HHAT: variants seen among roughly 807,000 people sequenced by gnomAD.
HHAT encodes the protein hedgehog acyltransferase, also known as protein-cysteine N-palmitoyltransferase HHAT.
HHAT carries 47 observed loss-of-function variants against 70.8 expected under a neutral mutation model. The observed-to-expected ratio is 0.66, with a 90% CI of 0.53 to 0.85. The LOEUF is 0.85. Ranked by LOEUF, HHAT falls within the 40% of genes least tolerant of loss-of-function variation. The pLI, the probability that HHAT is intolerant of heterozygous loss-of-function variation, is 0.00. For synonymous variants in HHAT, 228 were observed against 247.6 expected, an observed-to-expected ratio of 0.92 and a Z score of 0.74; for missense variants, 609 against 604.8, an observed-to-expected ratio of 1.01 and a Z score of -0.07.
chr1:210,387,773 A>G (rs1368194355), intron 4 of HHAT, among the ~76,000 whole-genome samples, 192 bp downstream of exon 4: 1 of 152,184 alleles, frequency 6.6e-6, no homozygotes, highest in African/African-American at 2.4e-5. Flanking sequence ...GCTTTCTCCA[A>G]CTTATTTTCA....
At chr1:210,541,571 A>G (rs2095431099) in intron 9 of HHAT, among the ~76,000 whole-genome samples, 1 of 152,202 alleles carries the variant, frequency 6.6e-6, no homozygotes. Context: ...TACTAAAAAT[A>G]CAAAAATTAG....
At chr1:210,497,476 G>A (rs915062971) in intron 8 of HHAT, among the ~76,000 whole-genome samples, 3 of 152,252 alleles carry the variant, frequency 2.0e-5, no homozygotes, top group Non-Finnish European at 4.4e-5. Flanking sequence ...GTTTCAAACT[G>A]GAGTCATTTC....
At chr1:210,368,941 G>C (rs1182967037) in intron 3 of HHAT, among the ~76,000 whole-genome samples, 4 of 152,120 alleles carry the variant, frequency 2.6e-5, no homozygotes, top group African/African-American at 4.8e-5. Context: ...AGCTGGATGT[G>C]GTGGCGGGTG....
chr1:210,461,794 A>G (rs2093984201), intron 7 of HHAT, among the ~76,000 whole-genome samples: 1 of 152,184 alleles, frequency 6.6e-6, no homozygotes, highest in Non-Finnish European at 1.5e-5. Context: ...TAAAATTTCA[A>G]GGAAAAAAAA....
intron 11 of HHAT, among the ~76,000 whole-genome samples, chr1:210,653,658 CAGA>C (rs1675667005): frequency 6.6e-6 from 1 of 151,910 alleles, no homozygotes; most frequent in African/African-American, 2.4e-5. Flanking sequence ...AGGGATTAGA[CAGA>C]GGAGTGAGGG....
rs542480898 is a variant in HHAT at position 210,510,386 on chromosome 1, A to G, written c.1008-2767A>G. Among the ~76,000 whole-genome samples, 7 of 152,356 alleles carry G rather than the reference A, an allele frequency of 4.6e-5. No homozygotes were observed. The South Asian group carries it at 1.2e-3, about 27-fold the overall frequency. On this transcript the variant is annotated intron_variant, in intron 8 of 11. Coordinates refer to ENST00000261458, the MANE Select transcript of HHAT (RefSeq NM_018194.6). ...ATTTTTTAAAAACTGATAGCCATCC[A>G]GACACAAAAGCACAAATACTGTATG...
intron 9 of HHAT, among the ~76,000 whole-genome samples, chr1:210,575,633 G>T (rs1657551928): frequency 6.6e-6 from 1 of 152,148 alleles, no homozygotes; most frequent in Admixed American, 6.5e-5. Flanking sequence ...GTCCCTGTTT[G>T]TGACTGAGAG....
intron 10 of HHAT, among the ~76,000 whole-genome samples, chr1:210,592,591 G>C (rs150230277): frequency 6.6e-6 from 1 of 151,946 alleles, no homozygotes. Flanking sequence ...TATTTTGATA[G>C]AGATTGCATT....
chr1:210,466,726 A>G (rs1174994130), intron 8 of HHAT, among the ~76,000 whole-genome samples: 2 of 152,074 alleles, frequency 1.3e-5, no homozygotes, highest in Admixed American at 6.6e-5. Flanking sequence ...GCAGTTGACT[A>G]TATTTCATAT....
chr1:210,526,571 T>C (rs561352531), intron 9 of HHAT, among the ~76,000 whole-genome samples: 1 of 152,244 alleles, frequency 6.6e-6, no homozygotes, highest in Non-Finnish European at 1.5e-5. Flanking sequence ...TTGGATCAGA[T>C]GCAGAAGACC....
At chr1:210,586,682 G>T (rs1660515296) in intron 9 of HHAT, among the ~76,000 whole-genome samples, 1 of 152,138 alleles carries the variant, frequency 6.6e-6, no homozygotes, top group South Asian at 2.1e-4. Context: ...ATTCAGAAAA[G>T]GATTTTTTCA....
At chr1:210,631,102 T>A in intron 11 of HHAT, 1 of 456,734 alleles carries the variant, frequency 2.2e-6, no homozygotes, top group Non-Finnish European at 4.4e-6. Flanking sequence ...GCTACCTTTG[T>A]TCCCAACTAT....
At chr1:210,620,027 A>G (rs1022604411) in intron 10 of HHAT, among the ~76,000 whole-genome samples, 1 of 152,004 alleles carries the variant, frequency 6.6e-6, no homozygotes, top group Non-Finnish European at 1.5e-5. Flanking sequence ...TATCTAAGCC[A>G]TGAGGATGGT....
At chr1:210,372,234 T>G (rs2089633142) in intron 3 of HHAT, among the ~76,000 whole-genome samples, 1 of 152,204 alleles carries the variant, frequency 6.6e-6, no homozygotes, top group Non-Finnish European at 1.5e-5. Flanking sequence ...TGATTGTCCC[T>G]AGTCGGTGTA....
intron 5 of HHAT, among the ~76,000 whole-genome samples, chr1:210,403,035 C>G (rs2092152147): frequency 6.6e-6 from 1 of 152,164 alleles, no homozygotes; most frequent in South Asian, 2.1e-4. Context: ...TGGGATTGTT[C>G]TGAGAGTCAA....
chr1:210,651,501 G>A (rs1024099336), intron 11 of HHAT, among the ~76,000 whole-genome samples: 1 of 152,166 alleles, frequency 6.6e-6, no homozygotes, highest in Non-Finnish European at 1.5e-5. Flanking sequence ...GAGGCCCCTG[G>A]CAGCTGTGCT....
Position 210,329,115 on chromosome 1 carries a change from G to T in HHAT, c.-44+11G>T. On this transcript the variant is annotated intron_variant, in intron 1 of 11. Transcript: ENST00000261458. ...CGGGACAGCCCGGAGGTTGGTAACT[G>T]GTGACCATAGGGGGTCCTGGGGAGG... 7.3e-7 allele frequency: 1 copy of T among 1,374,526 alleles called. No individual in the cohort carries two copies. The highest frequency in any genetic ancestry group is 9.4e-7 in the Non-Finnish European group (1 of 1,062,588). The allele number at this position is 1,374,526 out of a possible 1,614,324, so 85.1% of individuals were successfully genotyped here. A position where few individuals can be genotyped will look rare whatever the true frequency, so the allele number is the denominator to read the frequency against.
intron 11 of HHAT, among the ~76,000 whole-genome samples, chr1:210,644,706 A>C (rs1381779188): frequency 1.3e-5 from 2 of 151,988 alleles, no homozygotes; most frequent in Non-Finnish European, 2.9e-5. Flanking sequence ...ACTTTTGCAT[A>C]GCATGTCTTC....
rs369630068 is a variant in HHAT, at chr1:210,336,167, G to A, written c.-44+7063G>A. Among the ~76,000 whole-genome samples the A allele has an allele frequency of 7.9e-5, 12 of 152,080 alleles. No individual in the cohort carries two copies. The East Asian group carries it at 2.1e-3, about 27-fold the overall frequency. On this transcript the variant is annotated intron_variant, in intron 1 of 11. Transcript: ENST00000261458. ...CAGGATCTCGCTCTGTCACCCAGGC[G>A]GGAGTGCAGTGGTGTGATCTCAGCT...
Sources: allele counts gnomAD v4.1 joint callset (sites outside exome capture counted in the v4.1 genomes callset), GRCh38; gene constraint gnomAD v4.1.1; transcripts MANE v1.5; gene names NCBI Gene and HGNC (gene_info 2026-07-23, HGNC 2026-07-21).